Variants in AMBRA1 observed in about 807,000 individuals in gnomAD.
The protein encoded by AMBRA1 is autophagy and beclin 1 regulator 1.
Under a neutral mutation model 125.4 loss-of-function variants are expected in AMBRA1, and 47 were observed. That is an observed-to-expected ratio of 0.37 (90% CI 0.30 to 0.48). AMBRA1 has a LOEUF of 0.48. Among genes scored for constraint, AMBRA1 ranks in the 20% least tolerant of loss-of-function variants. AMBRA1 has a pLI of 0.99. For synonymous variants in AMBRA1, 626 were observed against 655.5 expected, an observed-to-expected ratio of 0.95 and a Z score of 0.69; for missense variants, 1,331 against 1,693.4, an observed-to-expected ratio of 0.79 and a Z score of 3.76.
At chr11:46,536,489 G>A (rs113999970) in intron 7 of AMBRA1, among the ~76,000 whole-genome samples, 2 of 152,280 alleles carry the variant, frequency 1.3e-5, no homozygotes, top group African/African-American at 2.4e-5. Flanking sequence ...ATTAGATATC[G>A]AAACTCTTTA....
At chr11:46,560,594 C>T (rs1157307869) in intron 1 of AMBRA1, among the ~76,000 whole-genome samples, 2 of 152,088 alleles carry the variant, frequency 1.3e-5, no homozygotes, top group South Asian at 2.1e-4. Context: ...AAAAAAGAAA[C>T]GGAAGTTTTA....
At chr11:46,496,723 G>A (rs1340616286) in intron 9 of AMBRA1, among the ~76,000 whole-genome samples, 3 of 151,674 alleles carry the variant, frequency 2.0e-5, no homozygotes, top group African/African-American at 4.8e-5. Context: ...ATGTGGGCCC[G>A]TACAACGTAG....
intron 1 of AMBRA1, among the ~76,000 whole-genome samples, chr11:46,590,289 A>G (rs184960562): frequency 9.2e-5 from 14 of 152,016 alleles, no homozygotes; most frequent in Admixed American, 6.6e-4. Flanking sequence ...GCAGTGAGCC[A>G]AGATTGCGCC....
intron 12 of AMBRA1, among the ~76,000 whole-genome samples, chr11:46,438,828 A>G (rs1004032374): frequency 7.2e-5 from 11 of 152,216 alleles, no homozygotes; most frequent in Non-Finnish European, 1.3e-4. Flanking sequence ...AGCAATTTCA[A>G]AATTATTTAT....
chr11:46,518,673 T>C (rs1029987956), intron 7 of AMBRA1, among the ~76,000 whole-genome samples: 1 of 152,098 alleles, frequency 6.6e-6, no homozygotes, highest in Non-Finnish European at 1.5e-5. Context: ...ATTTCTGCTC[T>C]AAAACATTTG....
chr11:46,423,050 C>T (rs7942788), intron 14 of AMBRA1, among the ~76,000 whole-genome samples: 151,492 of 152,312 alleles, frequency 0.99, 75,343 homozygotes, highest in Middle Eastern at 1. Context: ...TTAGTGAGGG[C>T]TACTAGAAGA....
chr11:46,419,995 T>TACACACACACACAC (rs34070050), intron 14 of AMBRA1, among the ~76,000 whole-genome samples: 231 of 129,102 alleles, frequency 1.8e-3, no homozygotes, highest in African/African-American at 5.4e-3. Context: ...GTGTCCTCAA[T>TACACACACACACAC]ACACACACAC....
chr11:46,553,881 G>A (rs964906270), intron 1 of AMBRA1, among the ~76,000 whole-genome samples: 2 of 152,136 alleles, frequency 1.3e-5, no homozygotes. Context: ...ACTTATTAGT[G>A]CATAAATATG....
intron 13 of AMBRA1, among the ~76,000 whole-genome samples, 195 bp downstream of exon 13, chr11:46,434,654 G>A (rs943807231): frequency 6.6e-6 from 1 of 152,160 alleles, no homozygotes; most frequent in Non-Finnish European, 1.5e-5. Context: ...CATGCGGTAG[G>A]ACTCTAATGC....
chr11:46,404,602 T>C (rs1373568369), intron 17 of AMBRA1, among the ~76,000 whole-genome samples: 1 of 152,146 alleles, frequency 6.6e-6, no homozygotes, highest in Non-Finnish European at 1.5e-5. Context: ...ACGCAGAGCA[T>C]GCAGGGATGC....
intron 9 of AMBRA1, among the ~76,000 whole-genome samples, chr11:46,496,468 A>G (rs932920847): frequency 1.3e-5 from 2 of 152,218 alleles, no homozygotes; most frequent in Non-Finnish European, 2.9e-5. Context: ...CATGAGAGAG[A>G]GCTGGCCTTC....
chr11:46,529,311 T>C (rs943266084), intron 7 of AMBRA1, among the ~76,000 whole-genome samples: 1 of 152,156 alleles, frequency 6.6e-6, no homozygotes, highest in African/African-American at 2.4e-5. Flanking sequence ...TTTTCCCCCT[T>C]TGGAAACAGA....
At chr11:46,407,759 T>C (rs781607072) in intron 17 of AMBRA1, among the ~76,000 whole-genome samples, 12 of 152,168 alleles carry the variant, frequency 7.9e-5, no homozygotes, top group South Asian at 2.1e-4. Context: ...TTTCCTCCCA[T>C]GGTCTCTTCT....
At position 46,408,630 on chromosome 11, in the gene AMBRA1, C is replaced by G; in HGVS notation, c.3286G>C (p.Ala1096Pro). ...GTGCCCTGAGATGTCACTGAGGTGG[C>G]AGGGTTCCGGGGCTGAAGCCCAATG... is the stretch of plus-strand genomic sequence containing the variant. ...NAIGLQPRNP[A>P]TSVTSQGTQT... Residue 1096 changes from alanine to proline, a missense_variant, in exon 17 of 18, where the codon GCC becomes CCC. Physicochemically the swap from Ala to Pro is conservative, Grantham distance 27. This residue lies in a region of AMBRA1 where 354 missense variants were observed against 532.7 expected (regional missense o/e 0.66). Transcript: ENST00000683756. The G allele has an allele frequency of 1.2e-6, 2 of 1,608,960 alleles. No individual in the cohort carries two copies. Among genetic ancestry groups the G allele is most frequent in the Non-Finnish European group, 1.7e-6 (2 of 1,176,792 alleles).
intron 15 of AMBRA1, among the ~76,000 whole-genome samples, chr11:46,412,892 T>A (rs1440979395): frequency 6.6e-6 from 1 of 152,246 alleles, no homozygotes; most frequent in African/African-American, 2.4e-5. Flanking sequence ...TGTTAGATAC[T>A]ATGTGAAGCT....
chr11:46,454,676 G>A (rs894350467), intron 11 of AMBRA1, among the ~76,000 whole-genome samples: 14 of 151,608 alleles, frequency 9.2e-5, no homozygotes, highest in Non-Finnish European at 1.3e-4. Context: ...GTGTGAGCCC[G>A]GAAGGCGGAG....
chr11:46,559,076 G>A (rs2043247871), intron 1 of AMBRA1, among the ~76,000 whole-genome samples: 3 of 152,122 alleles, frequency 2.0e-5, no homozygotes. Context: ...GAGTCGGGTG[G>A]ATCACCTGAG....
At position 46,542,504 on chromosome 11, in the gene AMBRA1, G is replaced by A. The variant is rs781108348; in HGVS notation, c.1513C>T (p.Arg505Cys). 8.1e-6 allele frequency: 13 copies of A among 1,613,402 alleles called. No individual in the cohort carries two copies. The highest frequency in any genetic ancestry group is 6.7e-5 in the East Asian group (3 of 44,886). The change falls in exon 7 of 18, where the codon CGC becomes TGC. Residue 505 changes from arginine (R) to cysteine (C), a missense_variant. By Grantham distance (180) the Arg-to-Cys change is radical. This residue lies in a region of AMBRA1 where 689 missense variants were observed against 776.5 expected (regional missense o/e 0.89). Transcript: ENST00000683756. The surrounding 1 kb of genome is among the most constrained non-coding windows in gnomAD (Gnocchi z 5.9). ...AGCCGGTCATACTCCAGAAAGAAGCGTCTCAGGTCACACTGAAGCTCATGG... is the reference window on the plus strand; with the variant it reads ...AGCCGGTCATACTCCAGAAAGAAGCATCTCAGGTCACACTGAAGCTCATGG... ...IRHELQCDLR[R>C]FFLEYDRLQE...
At chr11:46,447,319 G>A (rs1334349054) in intron 11 of AMBRA1, among the ~76,000 whole-genome samples, 1 of 151,952 alleles carries the variant, frequency 6.6e-6, no homozygotes, top group Non-Finnish European at 1.5e-5. Context: ...AGGATCACTT[G>A]AGGTCAGGAG....
Sources: allele counts gnomAD v4.1 joint callset (sites outside exome capture counted in the v4.1 genomes callset), GRCh38; gene constraint gnomAD v4.1.1; regional missense constraint gnomAD v4.1.1; non-coding constraint Gnocchi (gnomAD v3.1); transcripts MANE v1.5; gene names NCBI Gene and HGNC (gene_info 2026-07-23, HGNC 2026-07-21).